TCF20: variants seen among roughly 807,000 people sequenced by gnomAD.
TCF20 encodes the protein SPRE-binding protein.
Under a neutral mutation model 148.6 loss-of-function variants are expected in TCF20, and 3 were observed. The observed-to-expected ratio is 0.02, with a 90% CI of 0.01 to 0.05. The LOEUF (loss-of-function observed/expected upper bound fraction) is 0.05, where lower values mean the gene tolerates loss of function less well. TCF20 is among the 10% of genes least tolerant of loss of function. TCF20 has a pLI of 1.00. For missense variants in TCF20, 2,350 were observed against 2,429.3 expected, an observed-to-expected ratio of 0.97 and a Z score of 0.69; for synonymous variants, 1,049 against 909.5, an observed-to-expected ratio of 1.15 and a Z score of -2.76.
intron 4 of TCF20, 56 bp from the exon 5 acceptor site, chr22:42,168,792 T>A: frequency 6.5e-7 from 1 of 1,528,450 alleles, no homozygotes. Context: ...AGTGCAGAAA[T>A]CAGGGAGGGC....
At chr22:42,240,379 A>G (rs976123435) in intron 1 of TCF20, among the ~76,000 whole-genome samples, 13 of 152,248 alleles carry the variant, frequency 8.5e-5, no homozygotes, top group Non-Finnish European at 1.3e-4. Context: ...ATAATACAGT[A>G]TAATAGTATC....
At position 42,297,106 on chromosome 22, in the gene TCF20, G is replaced by A. The variant is rs1308471412; in HGVS notation, c.-37+46373C>T. ...TTTAAACTTGGGCCCCAGAACCTGT[G>A]TCCCAACCCCTATGCACTACTGGTT... On this transcript the variant is annotated intron_variant, in intron 1 of 1. Transcript: ENST00000515426. This position sits in a 1 kb window ranked among gnomAD's most constrained non-coding sequence, Gnocchi z 4.3. 6.6e-6 allele frequency among the ~76,000 whole-genome samples: 1 copy of A among 152,186 alleles called. No homozygotes were observed. The highest frequency in any genetic ancestry group is 2.4e-5 in the African/African-American group (1 of 41,440).
intron 1 of TCF20, among the ~76,000 whole-genome samples, chr22:42,223,744 A>G (rs946332739): frequency 2.6e-5 from 4 of 152,188 alleles, no homozygotes; most frequent in African/African-American, 9.7e-5. Context: ...GTACCTAGAT[A>G]TATCTGTAAC....
intron 2 of TCF20, among the ~76,000 whole-genome samples, chr22:42,201,702 A>C (rs1181811006): frequency 6.6e-6 from 1 of 151,772 alleles, no homozygotes; most frequent in African/African-American, 2.4e-5. Flanking sequence ...TGGGAGGCGA[A>C]GGTTTCAGTG....
intron 1 of TCF20, among the ~76,000 whole-genome samples, chr22:42,248,562 A>T (rs1331667673): frequency 6.6e-6 from 1 of 152,250 alleles, no homozygotes; most frequent in Non-Finnish European, 1.5e-5. Flanking sequence ...TTTTGCTGCT[A>T]TATCTAAACA....
chr22:42,333,726 C>T (rs1351126214), intron 1 of TCF20, among the ~76,000 whole-genome samples: 1 of 152,192 alleles, frequency 6.6e-6, no homozygotes, highest in Non-Finnish European at 1.5e-5. Context: ...AAGCCTGTAA[C>T]TCACTGCCCA....
At chr22:42,293,109 T>C (rs187787867) in intron 1 of TCF20, among the ~76,000 whole-genome samples, 23 of 152,148 alleles carry the variant, frequency 1.5e-4, no homozygotes, top group Non-Finnish European at 2.6e-4. Flanking sequence ...CCAAGTGTCC[T>C]TCCTTGGCAC....
At chr22:42,251,879 A>G (rs1473040543) in intron 1 of TCF20, among the ~76,000 whole-genome samples, 2 of 151,836 alleles carry the variant, frequency 1.3e-5, no homozygotes, top group Non-Finnish European at 2.9e-5. Flanking sequence ...ATATTTTGGG[A>G]TTTCAGTATT....
At chr22:42,277,757 T>G (rs1435146890) in intron 1 of TCF20, among the ~76,000 whole-genome samples, 1 of 152,250 alleles carries the variant, frequency 6.6e-6, no homozygotes, top group African/African-American at 2.4e-5. Context: ...TTAGACGCGA[T>G]CCTGCCCTGT....
chr22:42,229,739 A>C (rs932458464), intron 1 of TCF20, among the ~76,000 whole-genome samples: 1 of 152,188 alleles, frequency 6.6e-6, no homozygotes, highest in African/African-American at 2.4e-5. Context: ...GTCATTCCTC[A>C]AGGCCATTTG....
In TCF20 at chr22:42,213,983, T is replaced by G; in HGVS notation, c.1323A>C (p.Glu441Asp). ...HAAGFKGFGL[E>D]GVPEKRLTDP... The stretch of plus-strand genomic sequence containing the variant: ...CTGTCAGTCGCTTTTCTGGTACCCC[T>G]TCTAGTCCAAACCCTTTGAAGCCTG... The change falls in exon 2 of 6, where the codon GAA (glutamate) becomes GAC (aspartate). Residue 441 changes from glutamate to aspartate, a missense_variant. By Grantham distance (45) the Glu-to-Asp change is conservative. Around this residue, in one of 7 missense-constraint regions of TCF20, gnomAD observed 1,641 missense variants for 1,662.6 expected, o/e 0.99. Transcript: ENST00000677622. 6.2e-7 allele frequency: 1 copy of G among 1,614,196 alleles called. No homozygotes were observed.
chr22:42,343,288 G>A (rs924062354), intron 1 of TCF20, among the ~76,000 whole-genome samples: 4 of 152,162 alleles, frequency 2.6e-5, no homozygotes, highest in Non-Finnish European at 5.9e-5. Flanking sequence ...AACGGTCACC[G>A]CTGGCGCACA....
At chr22:42,295,442 CTTTTTTT>C (rs869294446) in intron 1 of TCF20, among the ~76,000 whole-genome samples, 43 of 134,634 alleles carry the variant, frequency 3.2e-4, no homozygotes, top group African/African-American at 8.7e-4. Flanking sequence ...GTTTTCTTTT[CTTTTTTT>C]TTTTTTTTTT....
At chr22:42,329,347 A>G (rs1205451567) in intron 1 of TCF20, among the ~76,000 whole-genome samples, 1 of 152,236 alleles carries the variant, frequency 6.6e-6, no homozygotes, top group African/African-American at 2.4e-5. Flanking sequence ...GCCCAGCCTG[A>G]ACGCACCTGC....
chr22:42,250,790 G>C (rs999557018), intron 1 of TCF20, among the ~76,000 whole-genome samples: 1 of 152,180 alleles, frequency 6.6e-6, no homozygotes, highest in Non-Finnish European at 1.5e-5. Context: ...GATTTAATTG[G>C]CTTACAGTTC....
intron 1 of TCF20, among the ~76,000 whole-genome samples, chr22:42,240,569 A>C (rs1437935595): frequency 6.6e-6 from 1 of 152,224 alleles, no homozygotes; most frequent in African/African-American, 2.4e-5. Flanking sequence ...GATATTACCA[A>C]ATTAATATCC....
intron 1 of TCF20, among the ~76,000 whole-genome samples, chr22:42,216,841 A>C (rs1418133445): frequency 6.6e-6 from 1 of 152,166 alleles, no homozygotes; most frequent in Non-Finnish European, 1.5e-5. Context: ...CTCTTAATCA[A>C]TCAAGCTGAT....
Position 42,290,957 on chromosome 22 carries a change from G to GA in TCF20, c.-37+52521dup, listed in dbSNP as rs1178700272. On this transcript the variant is annotated intron_variant, in intron 1 of 1. Coordinates refer to the TCF20 transcript ENST00000515426. The surrounding 1 kb of genome is among the most constrained non-coding windows in gnomAD (Gnocchi z 4.2). ...TCAGTACAACCATGAGAGGCAGCTT[G>GA]AAAATGCCCATTTACAAATAAGGAA... 6.6e-6 allele frequency among the ~76,000 whole-genome samples: 1 copy of GA among 152,182 alleles called. No individual in the cohort carries two copies. Among genetic ancestry groups the GA allele is most frequent in the Non-Finnish European group, 1.5e-5 (1 of 68,034 alleles).
At chr22:42,204,561 T>C (rs1938260373) in intron 2 of TCF20, among the ~76,000 whole-genome samples, 2 of 151,250 alleles carry the variant, frequency 1.3e-5, no homozygotes, top group Admixed American at 1.3e-4. Flanking sequence ...TTAAAGAAAA[T>C]TGGCCAGGCA....
Sources: allele counts gnomAD v4.1 joint callset (sites outside exome capture counted in the v4.1 genomes callset), GRCh38; gene constraint gnomAD v4.1.1; regional missense constraint gnomAD v4.1.1; non-coding constraint Gnocchi (gnomAD v3.1); transcripts MANE v1.5; gene names NCBI Gene and HGNC (gene_info 2026-07-23, HGNC 2026-07-21).